Variants in CRADD observed in about 807,000 individuals in gnomAD.
CRADD encodes the protein death domain-containing protein CRADD.
A neutral mutation model predicts 15.5 loss-of-function variants in CRADD; 9 were observed. The observed-to-expected ratio is 0.58, with a 90% confidence interval of 0.35 to 1.01. CRADD has a LOEUF of 1.01. Ranked by LOEUF, CRADD falls within the 50% of genes least tolerant of loss-of-function variation. The pLI, the probability that CRADD is intolerant of heterozygous loss-of-function variation, is 0.02. For synonymous variants in CRADD, 118 were observed against 107.6 expected (o/e 1.10, Z -0.60); for missense variants, 227 against 250.3 (o/e 0.91, Z 0.63).
intron 2 of CRADD, among the ~76,000 whole-genome samples, chr12:93,789,435 T>TGAC (rs1353835387): frequency 1.3e-5 from 2 of 152,158 alleles, no homozygotes; most frequent in Non-Finnish European, 2.9e-5. Context: ...AGAGACAGGA[T>TGAC]GACGATTGGT....
intron 2 of CRADD, among the ~76,000 whole-genome samples, chr12:93,754,462 C>A (rs567686125): frequency 9.2e-5 from 14 of 152,298 alleles, no homozygotes; most frequent in African/African-American, 3.1e-4. Context: ...CATCAGCCTG[C>A]AAATTTTTCA....
rs193259645 is a variant in CRADD, at chr12:93,699,254, G to T, written c.298+20182G>T. 2.4e-3 allele frequency among the ~76,000 whole-genome samples: 368 copies of T among 152,222 alleles called. 1 individual carries two copies. Among genetic ancestry groups the T allele is most frequent in the Non-Finnish European group, 3.1e-3 (214 of 68,014 alleles). On this transcript the variant is annotated intron_variant, in intron 2 of 2. Coordinates refer to ENST00000332896, the MANE Select transcript of CRADD (RefSeq NM_003805.5). ...TATATCATTATCTTTGCCATTTTTTGAGTTAGATTTTGCCAGAAGAGATTT... is the reference window on the plus strand; with the variant it reads ...TATATCATTATCTTTGCCATTTTTTTAGTTAGATTTTGCCAGAAGAGATTT...
chr12:93,809,456 C>T (rs1957594206), intron 2 of CRADD, among the ~76,000 whole-genome samples: 1 of 152,140 alleles, frequency 6.6e-6, no homozygotes, highest in Non-Finnish European at 1.5e-5. Flanking sequence ...TGACCTTGGG[C>T]AGATCATTTA....
chr12:93,816,199 A>G (rs539942000), intron 2 of CRADD: 1 of 152,250 alleles, frequency 6.6e-6, no homozygotes, highest in South Asian at 2.1e-4. Flanking sequence ...TAAAGGCTTA[A>G]TTTTATTTAT....
At chr12:93,762,264 T>C (rs1956975468) in intron 2 of CRADD, among the ~76,000 whole-genome samples, 1 of 152,208 alleles carries the variant, frequency 6.6e-6, no homozygotes, top group African/African-American at 2.4e-5. Context: ...GATTTGTCAA[T>C]AAGAATTTAT....
At chr12:93,688,502 A>G (rs1955489484) in intron 2 of CRADD, among the ~76,000 whole-genome samples, 1 of 152,090 alleles carries the variant, frequency 6.6e-6, no homozygotes, top group Admixed American at 6.6e-5. Context: ...CTCAAAAAAA[A>G]AAAAAAAAGC....
intron 2 of CRADD, among the ~76,000 whole-genome samples, chr12:93,767,584 T>C (rs958392476): frequency 6.6e-6 from 1 of 152,224 alleles, no homozygotes; most frequent in African/African-American, 2.4e-5. Context: ...TAGGTGGCAT[T>C]ATCCCCATTT....
intron 2 of CRADD, chr12:93,709,113 A>G (rs1208060387): frequency 6.6e-6 from 1 of 152,274 alleles, no homozygotes; most frequent in Admixed American, 6.5e-5. Flanking sequence ...AGAAGCAGAA[A>G]GTTACATAAT....
At chr12:93,855,400 C>T (rs777695317), downstream of CRADD, among the ~76,000 whole-genome samples, 50 of 152,230 alleles carry the variant, frequency 3.3e-4, no homozygotes, top group Middle Eastern at 6.8e-3. Flanking sequence ...CCAGTCACTC[C>T]GCTAAGCAGG....
intron 2 of CRADD, among the ~76,000 whole-genome samples, chr12:93,861,034 T>G (rs1958315694): frequency 6.6e-6 from 1 of 152,200 alleles, no homozygotes; most frequent in Non-Finnish European, 1.5e-5. Flanking sequence ...GACATTTTAA[T>G]ATGCATACAT....
rs1958201659 is a variant in CRADD at position 93,850,274 on chromosome 12, G to T, written c.*3G>T. ...TGCTCCTGCACATGTTGGAGTGATGGTGCCTCCAGCAACCGCTGGGGAGTG... is the reference window on the plus strand; with the variant it reads ...TGCTCCTGCACATGTTGGAGTGATGTTGCCTCCAGCAACCGCTGGGGAGTG... On this transcript the variant is annotated 3_prime_UTR_variant, in exon 3 of 3. Transcript: ENST00000332896. The surrounding 1 kb of genome is among the most constrained non-coding windows in gnomAD (Gnocchi z 4.0). 4 of 1,585,922 alleles carry T rather than the reference G, an allele frequency of 2.5e-6. No homozygotes were observed. Among genetic ancestry groups the T allele is most frequent in the Non-Finnish European group, 1.7e-6 (2 of 1,165,762 alleles).
chr12:93,713,708 G>C (rs1956114195), intron 2 of CRADD, among the ~76,000 whole-genome samples: 1 of 151,666 alleles, frequency 6.6e-6, no homozygotes, highest in African/African-American at 2.4e-5. Flanking sequence ...CAGAACCTGG[G>C]GATACAGAGG....
intron 2 of CRADD, among the ~76,000 whole-genome samples, chr12:93,837,095 G>A (rs1247569430): frequency 5.3e-5 from 8 of 152,092 alleles, no homozygotes; most frequent in Admixed American, 2.0e-4. Context: ...TCTCTGGTTC[G>A]CAGCTGGCTG....
At chr12:93,799,551 G>A (rs929792455) in intron 2 of CRADD, among the ~76,000 whole-genome samples, 3 of 152,056 alleles carry the variant, frequency 2.0e-5, no homozygotes, top group East Asian at 3.9e-4. Context: ...TCAGTCTGCC[G>A]TTTTCTTTTG....
At chr12:93,746,247 T>C (rs531460396) in intron 2 of CRADD, among the ~76,000 whole-genome samples, 1 of 152,250 alleles carries the variant, frequency 6.6e-6, no homozygotes, top group Admixed American at 6.5e-5. Flanking sequence ...TTTGATGCTT[T>C]CTTTCTGCTA....
intron 2 of CRADD, among the ~76,000 whole-genome samples, chr12:93,698,931 G>A (rs1313439263): frequency 6.6e-6 from 1 of 152,126 alleles, no homozygotes; most frequent in Non-Finnish European, 1.5e-5. Flanking sequence ...GCAGAGTCAG[G>A]TAGCTGCAAC....
chr12:93,829,038 T>C (rs2137027487), intron 2 of CRADD, among the ~76,000 whole-genome samples: 1 of 152,170 alleles, frequency 6.6e-6, no homozygotes, highest in Middle Eastern at 3.4e-3. Flanking sequence ...TGAAAACCCA[T>C]CTGTGAAAAA....
At chr12:93,798,918 G>A (rs998856163) in intron 2 of CRADD, among the ~76,000 whole-genome samples, 3 of 152,014 alleles carry the variant, frequency 2.0e-5, no homozygotes, top group African/African-American at 4.8e-5. Context: ...GCCAGTCCAC[G>A]CCCTGTAGCC....
intron 2 of CRADD, among the ~76,000 whole-genome samples, chr12:93,781,967 A>G (rs1298896583): frequency 6.6e-6 from 1 of 152,200 alleles, no homozygotes; most frequent in Non-Finnish European, 1.5e-5. Flanking sequence ...TAGAAATACC[A>G]TTTGACCCAG....
Sources: allele counts gnomAD v4.1 joint callset (sites outside exome capture counted in the v4.1 genomes callset), GRCh38; gene constraint gnomAD v4.1.1; non-coding constraint Gnocchi (gnomAD v3.1); transcripts MANE v1.5; gene names NCBI Gene and HGNC (gene_info 2026-07-23, HGNC 2026-07-21).